TCTA: variants seen among roughly 807,000 people sequenced by gnomAD.
The protein encoded by TCTA is T-cell leukemia translocation-altered gene protein.
TCTA carries 13 observed loss-of-function variants against 13.5 expected under a neutral mutation model. The observed-to-expected ratio is 0.96, with a 90% CI of 0.63 to 1.53. The LOEUF is 1.53. Among genes scored for constraint, TCTA ranks in the 40% most tolerant of loss-of-function variants. The probability of loss-of-function intolerance (pLI) is 0.00; values close to 1 mark genes in which losing one functional copy is unlikely to be tolerated. For missense variants in TCTA, 138 were observed against 131.3 expected (o/e 1.05, Z -0.25); for synonymous variants, 58 against 59.0 (o/e 0.98, Z 0.08).
intron 2 of TCTA, among the ~76,000 whole-genome samples, chr3:49,414,575 A>T (rs2048985237): frequency 6.6e-6 from 1 of 152,184 alleles, no homozygotes; most frequent in African/African-American, 2.4e-5. Flanking sequence ...AATAAAAAGA[A>T]TAAAAAAACT....
chr3:49,413,049 C>T lies in TCTA; in HGVS notation c.215-7C>T, dbSNP rs1310904342. ...TTCTGCAGCTCTGGATGTGTTTCTG[C>T]CTCCAGGTCTGGGTGGTCAGAATGG... is the stretch of plus-strand genomic sequence containing the variant. On this transcript the variant is annotated splice_region_variant and splice_polypyrimidine_tract_variant and intron_variant, in intron 1 of 2. Transcript: ENST00000273590. 4 of 1,614,086 alleles carry T rather than the reference C, an allele frequency of 2.5e-6. No individual in the cohort carries two copies. The highest frequency in any genetic ancestry group is 3.4e-6 in the Non-Finnish European group (4 of 1,179,964).
At chr3:49,414,385 C>T (rs7628872) in intron 2 of TCTA, among the ~76,000 whole-genome samples, 148,408 of 152,076 alleles carry the variant, frequency 0.98, 72,528 homozygotes, top group Middle Eastern at 1. Flanking sequence ...AATACAAAAA[C>T]TAGCTGGGTG....
intron 1 of TCTA, 48 bp from the exon 2 acceptor site, chr3:49,413,008 G>C: frequency 6.2e-7 from 1 of 1,606,382 alleles, no homozygotes; most frequent in Non-Finnish European, 8.5e-7. Context: ...TGCCTGCTCA[G>C]ATTCCCACCC....
Position 49,414,706 on chromosome 3 carries a change from G to C in TCTA, c.270-114G>C, listed in dbSNP as rs994156589. The C allele has an allele frequency of 4.6e-6, 6 of 1,295,764 alleles. No homozygotes were observed. In the African/African-American group the frequency reaches 7.4e-5, roughly 16 times the overall value. The allele number at this position is 1,295,764 out of a possible 1,614,324, so 80.3% of individuals were successfully genotyped here. A position where few individuals can be genotyped will look rare whatever the true frequency, so the allele number is the denominator to read the frequency against. On this transcript the variant is annotated intron_variant, in intron 2 of 2. Coordinates refer to ENST00000273590, the MANE Select transcript of TCTA (RefSeq NM_022171.3). ...CCAGCAGAGAGGTCTAGATTGTTAT[G>C]TGACCTTACTGAGCCTAGCTCAGCC...
At chr3:49,414,693 T>G in intron 2 of TCTA, 127 bp from the exon 3 acceptor site, 5 of 1,118,680 alleles carry the variant, frequency 4.5e-6, no homozygotes, top group East Asian at 5.2e-5. Flanking sequence ...AGCAGAGAGG[T>G]CTAGATTGTT....
In TCTA at chr3:49,412,588, G is replaced by C. The variant is rs140484970; in HGVS notation, c.162G>C (p.Gln54His). 393 of 1,614,256 alleles carry C rather than the reference G, an allele frequency of 2.4e-4. 2 individuals carry two copies. In the African/African-American group the frequency reaches 4.4e-3, roughly 18 times the overall value. ...TGGTGTTAAGTCTCCTGGGCATCCAGCTGGCGTGGGGGTTCTACGGGAATA... is the reference window on the plus strand; with the variant it reads ...TGGTGTTAAGTCTCCTGGGCATCCACCTGGCGTGGGGGTTCTACGGGAATA... Reference protein sequence around the residue: ...LWLVLSLLGIQLAWGFYGNTV... With the variant: ...LWLVLSLLGIHLAWGFYGNTV... The change falls in exon 1 of 3, where the codon CAG becomes CAC. Residue 54 changes from glutamine (Q) to histidine (H), a missense_variant. Transcript: ENST00000273590.
chr3:49,412,705 A>G, intron 1 of TCTA, 65 bp downstream of exon 1: 2 of 1,515,560 alleles, frequency 1.3e-6, no homozygotes. Flanking sequence ...CGACTGTACC[A>G]TTGGGTTCCC....
intron 2 of TCTA, 29 bp from the exon 3 acceptor site, chr3:49,414,791 T>C: frequency 2.5e-6 from 4 of 1,613,510 alleles, no homozygotes; most frequent in Non-Finnish European, 3.4e-6. Context: ...GAATAACCAC[T>C]CTCTCTTCTC....
intron 2 of TCTA, 21 bp downstream of exon 2, chr3:49,413,131 C>G (rs779672000): frequency 1.9e-6 from 3 of 1,613,934 alleles, no homozygotes; most frequent in Non-Finnish European, 2.5e-6. Flanking sequence ...CTGTCCATAC[C>G]GCAACCCCAT....
chr3:49,414,765 A>G (rs1364540134), intron 2 of TCTA, 55 bp from the exon 3 acceptor site: 2 of 1,610,580 alleles, frequency 1.2e-6, no homozygotes, highest in Non-Finnish European at 1.7e-6. Context: ...CAATTTCAGC[A>G]ACTGTTCTGC....
Position 49,412,553 on chromosome 3 carries a change from C to G in TCTA, c.127C>G (p.Leu43Val), listed in dbSNP as rs762389867. Reference sequence around the variant, plus strand: ...GCGCGTGACCCTCTTCAAGCTGCTGCTGCTGTGGTTGGTGTTAAGTCTCCT... The same window carrying G: ...GCGCGTGACCCTCTTCAAGCTGCTGGTGCTGTGGTTGGTGTTAAGTCTCCT... ...DMRVTLFKLL[L>V]LWLVLSLLGI... The change falls in exon 1 of 3, where the codon CTG becomes GTG. Residue 43 changes from leucine to valine, a missense_variant. Coordinates refer to ENST00000273590, the MANE Select transcript of TCTA (RefSeq NM_022171.3). 1 of 1,614,258 alleles carries G rather than the reference C, an allele frequency of 6.2e-7. No individual in the cohort carries two copies. The highest frequency in any genetic ancestry group is 1.1e-5 in the South Asian group (1 of 91,084).
In TCTA at chr3:49,415,849, T is replaced by TG. The variant is rs1463860338; in HGVS notation, c.*992dup. The TG allele has an allele frequency of 1.3e-5, 2 of 152,332 alleles. No homozygotes were observed. The highest frequency in any genetic ancestry group is 4.2e-4 in the South Asian group (2 of 4,818). 9.4% of individuals were successfully genotyped at this position (152,332 alleles called of 1,614,324 possible). ...TACTCATATTCCTCTCAGTCCTTCT[T>TG]GGGGGTAAGCTGATTACCTGAAGGA... On this transcript the variant is annotated 3_prime_UTR_variant, in exon 3 of 3. Coordinates refer to ENST00000273590, the MANE Select transcript of TCTA (RefSeq NM_022171.3).
At chr3:49,412,921 C>T (rs1575299363) in intron 1 of TCTA, 135 bp from the exon 2 acceptor site, 6 of 864,766 alleles carry the variant, frequency 6.9e-6, no homozygotes, top group Middle Eastern at 3.5e-4. Flanking sequence ...TCTCACCTGG[C>T]AATACCATTA....
chr3:49,413,467 A>G, intron 2 of TCTA: 1 of 216,724 alleles, frequency 4.6e-6, no homozygotes, highest in Non-Finnish European at 9.3e-6. Context: ...CTTCTGCAAA[A>G]CATGCGCTCA....
chr3:49,414,333 A>G (rs2048983288), intron 2 of TCTA, among the ~76,000 whole-genome samples: 1 of 152,060 alleles, frequency 6.6e-6, no homozygotes, highest in Non-Finnish European at 1.5e-5. Context: ...CAGGAGTTTG[A>G]GACCAGCCTG....
intron 1 of TCTA, 138 bp downstream of exon 1, chr3:49,412,778 C>T: frequency 9.3e-7 from 1 of 1,070,640 alleles, no homozygotes; most frequent in South Asian, 1.5e-5. Flanking sequence ...ACCCTGAACG[C>T]ATCTGACCTC....
In TCTA at chr3:49,412,500, T is replaced by A. The variant is rs199582584; in HGVS notation, c.74T>A (p.Phe25Tyr). 9 of 1,614,170 alleles carry A rather than the reference T, an allele frequency of 5.6e-6. No individual in the cohort carries two copies. Among genetic ancestry groups the A allele is most frequent in the Non-Finnish European group, 7.6e-6 (9 of 1,180,026 alleles). The change falls in exon 1 of 3, where the codon TTC becomes TAC. Residue 25 changes from phenylalanine to tyrosine, a missense_variant. By Grantham distance (22) the Phe-to-Tyr change is conservative. Coordinates refer to ENST00000273590, the MANE Select transcript of TCTA (RefSeq NM_022171.3). The part of the protein sequence containing the change: ...ATVLGALGSE[F>Y]LREWEAQDMR... ...GTGCTGGGCGCGCTGGGCAGCGAGT[T>A]CTTGCGGGAGTGGGAGGCGCAGGAC...
At position 49,412,638 on chromosome 3, in the gene TCTA, C is replaced by T; in HGVS notation, c.212C>T (p.Pro71Leu). The change falls in exon 1 of 3, where the codon CCA (proline) becomes CTA (leucine). Residue 71 changes from proline (P) to leucine (L), a missense_variant and splice_region_variant. Physicochemically the swap from Pro to Leu is moderately conservative, Grantham distance 98. Transcript: ENST00000273590. Reference protein sequence around the residue: ...GNTVTGLYHRPGLGGQNGSTP... With the variant: ...GNTVTGLYHRLGLGGQNGSTP... ...ACAGTGACCGGGTTGTATCACCGTC[C>T]AGGTGAGGCTTCCTACGAACCTCCG... is the stretch of plus-strand genomic sequence containing the variant. The T allele has an allele frequency of 6.2e-7, 1 of 1,613,194 alleles. No individual in the cohort carries two copies. The highest frequency in any genetic ancestry group is 8.5e-7 in the Non-Finnish European group (1 of 1,179,136).
rs764350015 is a variant in TCTA, at chr3:49,412,490, G to A, written c.64G>A (p.Gly22Ser). 1.2e-6 allele frequency: 2 copies of A among 1,614,058 alleles called. No individual in the cohort carries two copies. Among genetic ancestry groups the A allele is most frequent in the East Asian group, 2.2e-5 (1 of 44,888 alleles). The change falls in exon 1 of 3, where the codon GGC (glycine) becomes AGC (serine). Residue 22 changes from glycine (G) to serine (S), a missense_variant. By Grantham distance (56) the Gly-to-Ser change is moderately conservative. Transcript: ENST00000273590. ...ALPATVLGAL[G>S]SEFLREWEAQ... ...GCCGGCCACGGTGCTGGGCGCGCTG[G>A]GCAGCGAGTTCTTGCGGGAGTGGGA...
Sources: gnomAD v4.1 joint callset for allele counts (sites outside exome capture counted in the v4.1 genomes callset) on GRCh38, gnomAD v4.1.1 for gene constraint, MANE v1.5 for transcripts, NCBI Gene and HGNC (gene_info 2026-07-23, HGNC 2026-07-21) for gene names.